EPHA6: variants seen among roughly 807,000 people sequenced by gnomAD.
EPHA6 encodes the protein EPH receptor A6.
Under a neutral mutation model 112.0 loss-of-function variants are expected in EPHA6, and 50 were observed. The ratio of observed to expected loss-of-function variants is 0.45; its 90% CI spans 0.36 to 0.56. The LOEUF (loss-of-function observed/expected upper bound fraction) is 0.56, where lower values mean the gene tolerates loss of function less well. Ranked by LOEUF, EPHA6 falls within the 20% of genes least tolerant of loss-of-function variation. The pLI, the probability that EPHA6 is intolerant of heterozygous loss-of-function variation, is 0.00. For synonymous variants in EPHA6, 529 were observed against 490.7 expected (o/e 1.08, Z -1.03); for missense variants, 1,280 against 1,417.4 (o/e 0.90, Z 1.56).
chr3:97,180,700 C>G (rs2076963915), intron 3 of EPHA6, among the ~76,000 whole-genome samples: 2 of 152,068 alleles, frequency 1.3e-5, no homozygotes, highest in Non-Finnish European at 2.9e-5. Context: ...GATGCCCTAT[C>G]CTGCTATGGC....
At chr3:97,528,858 T>TATTAGCTAG (rs2092661703) in intron 10 of EPHA6, among the ~76,000 whole-genome samples, 1 of 152,186 alleles carries the variant, frequency 6.6e-6, no homozygotes, top group Non-Finnish European at 1.5e-5. Flanking sequence ...TAGATGGGGT[T>TATTAGCTAG]ATTAGCTAGT....
At chr3:97,128,464 T>C (rs1008156686) in intron 3 of EPHA6, among the ~76,000 whole-genome samples, 3 of 152,148 alleles carry the variant, frequency 2.0e-5, no homozygotes, top group Non-Finnish European at 4.4e-5. Context: ...ATATCTAGCT[T>C]TGGGGCATAG....
chr3:97,066,796 G>A (rs1394874241), intron 3 of EPHA6, among the ~76,000 whole-genome samples: 2 of 152,106 alleles, frequency 1.3e-5, no homozygotes, highest in Non-Finnish European at 2.9e-5. Context: ...TAACTCAAAA[G>A]CCAAATTTTA....
chr3:97,546,735 C>G (rs1209825500), intron 11 of EPHA6, among the ~76,000 whole-genome samples: 1 of 152,158 alleles, frequency 6.6e-6, no homozygotes, highest in African/African-American at 2.4e-5. Flanking sequence ...TTCACATAGT[C>G]CCATATTTCT....
intron 5 of EPHA6, among the ~76,000 whole-genome samples, chr3:97,310,531 G>C (rs2081507941): frequency 6.7e-6 from 1 of 148,828 alleles, no homozygotes; most frequent in African/African-American, 2.6e-5. Flanking sequence ...CCTCAAAATT[G>C]ATGCTCAAAA....
chr3:97,115,743 C>T (rs1282716038), intron 3 of EPHA6, among the ~76,000 whole-genome samples: 2 of 151,784 alleles, frequency 1.3e-5, no homozygotes, highest in Non-Finnish European at 2.9e-5. Context: ...ATTGCATACA[C>T]TCATTTAATA....
At chr3:97,325,592 G>T (rs185261029) in intron 5 of EPHA6, among the ~76,000 whole-genome samples, 1 of 152,186 alleles carries the variant, frequency 6.6e-6, no homozygotes, top group East Asian at 1.9e-4. Context: ...TCCGTGTAAA[G>T]TACATAAAAC....
intron 3 of EPHA6, among the ~76,000 whole-genome samples, chr3:97,126,756 C>A (rs545103839): frequency 6.6e-5 from 10 of 151,304 alleles, no homozygotes; most frequent in African/African-American, 1.9e-4. Context: ...TACAGGAGAA[C>A]CAAATTAAAT....
In EPHA6 at chr3:96,825,679, G is replaced by T. The variant is rs532083162; in HGVS notation, c.385+10671G>T. On this transcript the variant is annotated intron_variant, in intron 1 of 17. Coordinates refer to ENST00000389672, the MANE Select transcript of EPHA6 (RefSeq NM_001080448.3). ...GAAGCACATAGAATTAGAAATTGCT[G>T]CCAGAACTTGGTGTTTTTAAACAGA... Among the ~76,000 whole-genome samples, 42 of 151,922 alleles carry T rather than the reference G, an allele frequency of 2.8e-4. 1 individual carries two copies. The South Asian group carries it at 8.3e-3, about 30-fold the overall frequency.
At chr3:97,139,376 A>T (rs1228207107) in intron 3 of EPHA6, among the ~76,000 whole-genome samples, 1 of 152,154 alleles carries the variant, frequency 6.6e-6, no homozygotes, top group Non-Finnish European at 1.5e-5. Flanking sequence ...ACTCACAAGT[A>T]CCACCTATGG....
intron 3 of EPHA6, among the ~76,000 whole-genome samples, chr3:97,006,548 A>G (rs1339559777): frequency 6.6e-6 from 1 of 151,546 alleles, no homozygotes; most frequent in African/African-American, 2.4e-5. Context: ...AATTTTTTCA[A>G]AAAAACAGCT....
chr3:97,137,810 G>A (rs756059963), intron 3 of EPHA6, among the ~76,000 whole-genome samples: 42 of 151,924 alleles, frequency 2.8e-4, no homozygotes, highest in Non-Finnish European at 4.6e-4. Context: ...AAACCTGCAC[G>A]TTGTGCACAT....
intron 3 of EPHA6, among the ~76,000 whole-genome samples, chr3:97,219,582 A>T (rs1362984328): frequency 1.3e-5 from 2 of 152,138 alleles, no homozygotes; most frequent in Non-Finnish European, 2.9e-5. Flanking sequence ...ACTGGGGTGC[A>T]GGGTGCCATG....
At chr3:97,127,477 T>C (rs748988563) in intron 3 of EPHA6, among the ~76,000 whole-genome samples, 27 of 152,130 alleles carry the variant, frequency 1.8e-4, no homozygotes, top group South Asian at 2.1e-4. Flanking sequence ...CTCATCACTT[T>C]GGGAGGCCAA....
chr3:96,994,730 T>TAG (rs1325190702), intron 3 of EPHA6, among the ~76,000 whole-genome samples: 476 of 82,786 alleles, frequency 5.7e-3, no homozygotes, highest in African/African-American at 0.017. Flanking sequence ...TATATATATA[T>TAG]ATAGAGAGAG....
chr3:97,740,931 T>C (rs2035478026), intron 16 of EPHA6, among the ~76,000 whole-genome samples: 1 of 152,152 alleles, frequency 6.6e-6, no homozygotes. Flanking sequence ...ATGCTTTTCA[T>C]GACAGAGAAA....
intron 5 of EPHA6, among the ~76,000 whole-genome samples, chr3:97,280,402 C>A (rs2080246762): frequency 6.6e-6 from 1 of 152,032 alleles, no homozygotes; most frequent in Non-Finnish European, 1.5e-5. Context: ...TTTAGAAAGC[C>A]AAGAACATTT....
At chr3:97,084,404 C>T (rs1042540389) in intron 3 of EPHA6, among the ~76,000 whole-genome samples, 2 of 151,620 alleles carry the variant, frequency 1.3e-5, no homozygotes, top group African/African-American at 2.4e-5. Flanking sequence ...AACACAGACT[C>T]CTCTCTATAA....
intron 5 of EPHA6, among the ~76,000 whole-genome samples, chr3:97,257,730 A>G (rs1461747339): frequency 1.3e-5 from 2 of 152,174 alleles, no homozygotes; most frequent in East Asian, 3.9e-4. Context: ...AGAAAAATTT[A>G]TCATTTATAA....
Sources: allele counts gnomAD v4.1 joint callset (sites outside exome capture counted in the v4.1 genomes callset), GRCh38; gene constraint gnomAD v4.1.1; transcripts MANE v1.5; gene names NCBI Gene and HGNC (gene_info 2026-07-23, HGNC 2026-07-21).